The following SORCS3 variants were observed in gnomAD, a reference collection of about 807,000 sequenced individuals.
SORCS3 encodes the protein sortilin related VPS10 domain containing receptor 3, also known as VPS10 domain-containing receptor SorCS3.
SORCS3 carries 57 observed loss-of-function variants against 146.3 expected under a neutral mutation model. The observed-to-expected ratio is 0.39, with a 90% CI of 0.31 to 0.49. The LOEUF (loss-of-function observed/expected upper bound fraction) is 0.49, where lower values mean the gene tolerates loss of function less well. SORCS3 is among the 20% of genes least tolerant of loss of function. The probability of loss-of-function intolerance (pLI) is 0.92; values close to 1 mark genes in which losing one functional copy is unlikely to be tolerated. For synonymous variants in SORCS3, 653 were observed against 618.5 expected (o/e 1.06, Z -0.83); for missense variants, 1,341 against 1,575.5 (o/e 0.85, Z 2.52).
chr10:104,698,248 T>A (rs2016240235), intron 1 of SORCS3, among the ~76,000 whole-genome samples: 1 of 152,170 alleles, frequency 6.6e-6, no homozygotes, highest in Non-Finnish European at 1.5e-5. Flanking sequence ...CTGAGTTTAG[T>A]GGCTTGTACA....
chr10:104,746,048 G>T (rs1161196107), intron 1 of SORCS3, among the ~76,000 whole-genome samples: 1 of 151,860 alleles, frequency 6.6e-6, no homozygotes, highest in Non-Finnish European at 1.5e-5. Context: ...AAGAAATTAT[G>T]ACCCAATTTA....
At position 104,852,865 on chromosome 10, in the gene SORCS3, A is replaced by G. The variant is rs1283895810; in HGVS notation, c.695+10006A>G. Among the ~76,000 whole-genome samples the G allele has an allele frequency of 3.3e-5, 5 of 152,218 alleles. No homozygotes were observed. The East Asian group carries it at 5.8e-4, about 18-fold the overall frequency. ...AGCATCAGGGCTGTTTAATTGGGCA[A>G]TTAACACTGATCTTAGAGAGTGGTT... On this transcript the variant is annotated intron_variant, in intron 2 of 26. Coordinates refer to ENST00000369701, the MANE Select transcript of SORCS3 (RefSeq NM_014978.3).
chr10:105,006,026 C>G (rs1006814629), intron 4 of SORCS3, among the ~76,000 whole-genome samples: 19 of 152,202 alleles, frequency 1.2e-4, no homozygotes, highest in African/African-American at 4.6e-4. Flanking sequence ...CTCACAACTT[C>G]CGTCCCTTGG....
At chr10:105,205,814 C>T (rs1246409212) in intron 16 of SORCS3, among the ~76,000 whole-genome samples, 1 of 152,126 alleles carries the variant, frequency 6.6e-6, no homozygotes. Flanking sequence ...AATGGACTCC[C>T]AGAAGGAGAG....
rs948743603 is a variant in SORCS3, at chr10:105,264,032, C to T, written c.*658C>T. ...CACTGGCCCTCAGAGCTGACCAACC[C>T]GCCAGGCCTGCTCAATGCATTGGGT... On this transcript the variant is annotated 3_prime_UTR_variant, in exon 27 of 27. Coordinates refer to ENST00000369701, the MANE Select transcript of SORCS3 (RefSeq NM_014978.3). The T allele has an allele frequency of 2.0e-5, 3 of 152,086 alleles. No homozygotes were observed. Among genetic ancestry groups the T allele is most frequent in the South Asian group, 2.1e-4 (1 of 4,814 alleles). 9.4% of individuals were successfully genotyped at this position (152,086 alleles called of 1,614,324 possible).
chr10:105,179,160 G>A (rs113278077), intron 14 of SORCS3, among the ~76,000 whole-genome samples: 12 of 152,158 alleles, frequency 7.9e-5, no homozygotes, highest in Non-Finnish European at 1.2e-4. Flanking sequence ...CCCCATTCTC[G>A]TCTATGAGGC....
chr10:105,043,014 T>A, intron 4 of SORCS3, 41 bp from the exon 5 acceptor site: 1 of 1,567,664 alleles, frequency 6.4e-7, no homozygotes, highest in Non-Finnish European at 8.8e-7. Flanking sequence ...TGCCCAGCAG[T>A]GGTTCCTTGA....
chr10:105,238,604 G>A (rs2056806468), intron 20 of SORCS3, among the ~76,000 whole-genome samples: 1 of 152,164 alleles, frequency 6.6e-6, no homozygotes, highest in South Asian at 2.1e-4. Context: ...GAAAGGTGAG[G>A]AAGACAGATG....
chr10:104,895,311 G>C (rs899640064), intron 2 of SORCS3, among the ~76,000 whole-genome samples: 2 of 152,198 alleles, frequency 1.3e-5, no homozygotes, highest in African/African-American at 4.8e-5. Context: ...GTAGAGGGTA[G>C]ACAGCAGAGG....
intron 1 of SORCS3, among the ~76,000 whole-genome samples, chr10:104,731,723 G>A (rs949773852): frequency 1.3e-5 from 2 of 151,622 alleles, no homozygotes; most frequent in African/African-American, 2.4e-5. Flanking sequence ...TAGATTTACC[G>A]AGCTGTGAGT....
chr10:104,997,006 A>G (rs1309103339), intron 4 of SORCS3, among the ~76,000 whole-genome samples: 1 of 152,168 alleles, frequency 6.6e-6, no homozygotes, highest in African/African-American at 2.4e-5. Context: ...TGAGATTTGC[A>G]CATGGAGAGG....
chr10:105,158,157 AT>A (rs531389085), intron 10 of SORCS3, among the ~76,000 whole-genome samples: 17 of 149,050 alleles, frequency 1.1e-4, no homozygotes, highest in East Asian at 5.9e-4. Flanking sequence ...CACAGCATGC[AT>A]TTTTTTTTTC....
chr10:104,746,866 A>G (rs1031304599), intron 1 of SORCS3, among the ~76,000 whole-genome samples: 6 of 152,222 alleles, frequency 3.9e-5, no homozygotes, highest in African/African-American at 1.4e-4. Flanking sequence ...CAGGGGTAGG[A>G]TATTCATATG....
At chr10:104,717,371 T>C (rs1298173577) in intron 1 of SORCS3, among the ~76,000 whole-genome samples, 3 of 151,796 alleles carry the variant, frequency 2.0e-5, no homozygotes, top group Non-Finnish European at 4.4e-5. Flanking sequence ...ATGTTCTGTT[T>C]TGACCTCCTT....
intron 1 of SORCS3, among the ~76,000 whole-genome samples, chr10:104,646,162 C>A (rs953748485): frequency 6.6e-6 from 1 of 152,156 alleles, no homozygotes; most frequent in Non-Finnish European, 1.5e-5. Flanking sequence ...CTGGGCACAG[C>A]CTATTTATCT....
intron 1 of SORCS3, among the ~76,000 whole-genome samples, chr10:104,667,253 C>T (rs1232048097): frequency 6.6e-6 from 1 of 152,194 alleles, no homozygotes; most frequent in African/African-American, 2.4e-5. Context: ...CTTTCCCGAG[C>T]TCACGTGCTG....
At chr10:105,220,752 T>C (rs895881014) in intron 19 of SORCS3, among the ~76,000 whole-genome samples, 2 of 152,078 alleles carry the variant, frequency 1.3e-5, no homozygotes, top group Admixed American at 1.3e-4. Flanking sequence ...CTCTTCCCCA[T>C]TGATGAATAA....
Position 105,264,732 on chromosome 10 carries a change from A to C in SORCS3, c.*1358A>C, listed in dbSNP as rs2056981619. On this transcript the variant is annotated 3_prime_UTR_variant, in exon 27 of 27. Transcript: ENST00000369701. ...CTTGCCTCTGGGGTGAGTGGCTTTC[A>C]AAGCCTTTTAGCTTTTCCAGCACCT... is the stretch of plus-strand genomic sequence containing the variant. The C allele has an allele frequency of 6.5e-6, 1 of 152,680 alleles. No individual in the cohort carries two copies. 9.5% of individuals were successfully genotyped at this position (152,680 alleles called of 1,614,324 possible).
At chr10:104,678,128 T>C (rs2015932287) in intron 1 of SORCS3, among the ~76,000 whole-genome samples, 1 of 147,892 alleles carries the variant, frequency 6.8e-6, no homozygotes, top group Admixed American at 7.0e-5. Context: ...ATTTCTTACC[T>C]GGGCATAGAC....
Sources: allele counts gnomAD v4.1 joint callset (sites outside exome capture counted in the v4.1 genomes callset), GRCh38; gene constraint gnomAD v4.1.1; transcripts MANE v1.5; gene names NCBI Gene and HGNC (gene_info 2026-07-23, HGNC 2026-07-21).